ZNF521: variants seen among roughly 807,000 people sequenced by gnomAD.
ZNF521 encodes LYST-interacting protein 3.
Under a neutral mutation model 105.5 loss-of-function variants are expected in ZNF521, and 14 were observed. The observed-to-expected ratio is 0.13, with a 90% CI of 0.09 to 0.21. The LOEUF (loss-of-function observed/expected upper bound fraction) is 0.21. Among genes scored for constraint, ZNF521 ranks in the 10% least tolerant of loss-of-function variants. The probability of loss-of-function intolerance (pLI) is 1.00; values close to 1 mark genes in which losing one functional copy is unlikely to be tolerated. For synonymous variants in ZNF521, 635 were observed against 606.0 expected, an observed-to-expected ratio of 1.05 and a Z score of -0.70; for missense variants, 1,233 against 1,629.7, an observed-to-expected ratio of 0.76 and a Z score of 4.19.
chr18:25,193,270 G>A (rs1032268131), intron 5 of ZNF521, among the ~76,000 whole-genome samples: 4 of 152,108 alleles, frequency 2.6e-5, no homozygotes, highest in South Asian at 2.1e-4. Flanking sequence ...AAAAAGTCCT[G>A]TTATGCTGAA....
chr18:25,226,099 G>C lies in ZNF521; in HGVS notation c.1819C>G (p.Leu607Val), dbSNP rs777091858. The C allele has an allele frequency of 3.1e-6, 5 of 1,614,194 alleles. No homozygotes were observed. Among genetic ancestry groups the C allele is most frequent in the Non-Finnish European group, 3.4e-6 (4 of 1,180,026 alleles). The change falls in exon 4 of 8, where the codon CTA becomes GTA. Residue 607 changes from leucine to valine, a missense_variant. Physicochemically the swap from Leu to Val is conservative, Grantham distance 32 (BLOSUM62 1). Transcript: ENST00000361524. The surrounding 1 kb of genome is among the most constrained non-coding windows in gnomAD (Gnocchi z 4.1). Reference sequence around the variant, plus strand: ...GTCTGCTCTATGGCCACAGGAGATAGGGGGCTTAAGGCCCTGGATTTCTTC... The same window carrying C: ...GTCTGCTCTATGGCCACAGGAGATACGGGGCTTAAGGCCCTGGATTTCTTC... ...NGKKSRALSP[L>V]SPVAIEQTSL...
At chr18:25,342,897 G>A (rs1914286019) in intron 2 of ZNF521, among the ~76,000 whole-genome samples, 1 of 152,176 alleles carries the variant, frequency 6.6e-6, no homozygotes, top group Non-Finnish European at 1.5e-5. Flanking sequence ...GACCTAATCT[G>A]GCTCTATTGT....
intron 3 of ZNF521, among the ~76,000 whole-genome samples, chr18:25,261,869 C>G (rs1369997340): frequency 2.6e-5 from 4 of 152,112 alleles, no homozygotes; most frequent in Non-Finnish European, 4.4e-5. Flanking sequence ...TTACCCACCC[C>G]CTGCTGTGCG....
intron 5 of ZNF521, among the ~76,000 whole-genome samples, chr18:25,101,751 A>G (rs897465455): frequency 2.0e-5 from 3 of 152,126 alleles, no homozygotes; most frequent in African/African-American, 7.2e-5. Context: ...GCAGGGAGAA[A>G]ACACTTACAG....
intron 5 of ZNF521, among the ~76,000 whole-genome samples, chr18:25,110,722 A>G (rs1014837656): frequency 6.6e-6 from 1 of 151,766 alleles, no homozygotes; most frequent in Non-Finnish European, 1.5e-5. Flanking sequence ...ATATAGAAGC[A>G]CTGTCTCCTG....
intron 2 of ZNF521, among the ~76,000 whole-genome samples, chr18:25,338,444 A>C (rs1914022140): frequency 6.6e-6 from 1 of 151,766 alleles, no homozygotes; most frequent in African/African-American, 2.4e-5. Context: ...ATGGGGTCTC[A>C]CTCTGTCACC....
chr18:25,129,763 T>C (rs1023821214), intron 5 of ZNF521, among the ~76,000 whole-genome samples: 2 of 151,830 alleles, frequency 1.3e-5, no homozygotes, highest in African/African-American at 4.8e-5. Flanking sequence ...CATTAGTGAA[T>C]TGTGAACAAA....
At chr18:25,335,972 A>T (rs980198424) in intron 2 of ZNF521, among the ~76,000 whole-genome samples, 1 of 152,198 alleles carries the variant, frequency 6.6e-6, no homozygotes, top group Admixed American at 6.5e-5. Flanking sequence ...TTGAACAAGC[A>T]AGGGAAGTTA....
At chr18:25,308,202 A>G (rs1912088628) in intron 3 of ZNF521, among the ~76,000 whole-genome samples, 1 of 148,754 alleles carries the variant, frequency 6.7e-6, no homozygotes, top group African/African-American at 2.5e-5. Flanking sequence ...TCAAAAAAAA[A>G]AAAAAAAAAA....
At chr18:25,066,605 A>T (rs1191573404) in intron 7 of ZNF521, among the ~76,000 whole-genome samples, 1 of 152,166 alleles carries the variant, frequency 6.6e-6, no homozygotes, top group African/African-American at 2.4e-5. Flanking sequence ...ATTTCTTTAG[A>T]AAGGGAGACA....
intron 2 of ZNF521, chr18:25,327,355 C>T (rs1221041668): frequency 6.5e-6 from 6 of 924,440 alleles, no homozygotes; most frequent in South Asian, 3.6e-5. Context: ...TTGTACTAAA[C>T]GTAATTAACT....
At chr18:25,099,426 C>A (rs989107254) in intron 5 of ZNF521, among the ~76,000 whole-genome samples, 1 of 152,154 alleles carries the variant, frequency 6.6e-6, no homozygotes, top group Non-Finnish European at 1.5e-5. Flanking sequence ...GCAAATAAAG[C>A]ATTAACAAAG....
chr18:25,237,336 C>G (rs1180819551), intron 3 of ZNF521, among the ~76,000 whole-genome samples: 1 of 152,224 alleles, frequency 6.6e-6, no homozygotes, highest in Middle Eastern at 3.4e-3. Flanking sequence ...AATATCTGTA[C>G]AATCATGTCT....
chr18:25,167,373 T>C (rs1205808697), intron 5 of ZNF521, among the ~76,000 whole-genome samples: 1 of 152,210 alleles, frequency 6.6e-6, no homozygotes, highest in African/African-American at 2.4e-5. Flanking sequence ...CAGGTATCAG[T>C]ATTAATACTA....
intron 5 of ZNF521, among the ~76,000 whole-genome samples, chr18:25,129,759 T>C (rs2034606509): frequency 2.0e-5 from 3 of 151,892 alleles, no homozygotes; most frequent in South Asian, 2.1e-4. Context: ...GTGTCATTAG[T>C]GAATTGTGAA....
At chr18:25,154,978 A>G (rs2035115668) in intron 5 of ZNF521, among the ~76,000 whole-genome samples, 1 of 152,136 alleles carries the variant, frequency 6.6e-6, no homozygotes, top group Non-Finnish European at 1.5e-5. Flanking sequence ...ACTGTTTTCT[A>G]TAATGGTTGC....
intron 5 of ZNF521, among the ~76,000 whole-genome samples, chr18:25,167,717 A>G (rs1007547818): frequency 3.3e-5 from 5 of 152,190 alleles, no homozygotes; most frequent in African/African-American, 1.2e-4. Context: ...CTAAAAATTT[A>G]TGATACAAAC....
intron 5 of ZNF521, among the ~76,000 whole-genome samples, chr18:25,119,860 A>G (rs1053228738): frequency 6.6e-6 from 1 of 152,118 alleles, no homozygotes; most frequent in African/African-American, 2.4e-5. Flanking sequence ...AAAATAAACC[A>G]TGGAAAAGTT....
chr18:25,080,451 G>C (rs1170113807), intron 7 of ZNF521, among the ~76,000 whole-genome samples: 1 of 152,190 alleles, frequency 6.6e-6, no homozygotes, highest in East Asian at 1.9e-4. Context: ...GGCAGAGCCT[G>C]TTCCAAGCTG....
Sources: gnomAD v4.1 joint callset for allele counts (sites outside exome capture counted in the v4.1 genomes callset) on GRCh38, gnomAD v4.1.1 for gene constraint, Gnocchi (gnomAD v3.1) non-coding constraint, MANE v1.5 for transcripts, NCBI Gene and HGNC (gene_info 2026-07-23, HGNC 2026-07-21) for gene names.